Variants in CYTH1 observed in about 807,000 individuals in gnomAD.
CYTH1 encodes cytohesin 1.
A neutral mutation model predicts 61.8 loss-of-function variants in CYTH1; 18 were observed. That is an observed-to-expected ratio of 0.29 (90% CI 0.20 to 0.43). The LOEUF is 0.43. CYTH1 is among the 20% of genes least tolerant of loss of function. The probability of loss-of-function intolerance (pLI) is 1.00; values close to 1 mark genes in which losing one functional copy is unlikely to be tolerated. For synonymous variants in CYTH1, 174 were observed against 184.3 expected (o/e 0.94, Z 0.45); for missense variants, 336 against 510.5 (o/e 0.66, Z 3.29).
intron 11 of CYTH1, among the ~76,000 whole-genome samples, chr17:78,681,583 T>C (rs1241175633): frequency 2.0e-5 from 3 of 152,054 alleles, no homozygotes; most frequent in African/African-American, 7.2e-5. Context: ...TTGACTCCTG[T>C]CCAGAACAGA....
At position 78,708,272 on chromosome 17, in the gene CYTH1, G is replaced by C. The variant is rs749641832; in HGVS notation, c.106-11C>G. 2 of 1,610,106 alleles carry C rather than the reference G, an allele frequency of 1.2e-6. No individual in the cohort carries two copies. The highest frequency in any genetic ancestry group is 1.7e-6 in the Non-Finnish European group (2 of 1,178,752). ...CTCATCCTTCAGCCTCTATAAAACA[G>C]ACAGTCCAGAGTCAGCAGGAAAGGC... On this transcript the variant is annotated splice_polypyrimidine_tract_variant and intron_variant, in intron 2 of 13. Coordinates refer to ENST00000446868, the MANE Select transcript of CYTH1 (RefSeq NM_004762.6).
chr17:78,705,886 C>T (rs2093060284), intron 3 of CYTH1, among the ~76,000 whole-genome samples: 1 of 152,108 alleles, frequency 6.6e-6, no homozygotes, highest in South Asian at 2.1e-4. Flanking sequence ...CGTTTCCTTG[C>T]TGTTCTATGG....
chr17:78,773,577 C>T (rs1050487326), intron 1 of CYTH1, among the ~76,000 whole-genome samples: 4 of 149,764 alleles, frequency 2.7e-5, no homozygotes, highest in Non-Finnish European at 4.4e-5. Context: ...TGCAGTGAGC[C>T]GAGATTGTGC....
intron 1 of CYTH1, 43 bp from the exon 2 acceptor site, chr17:78,709,775 G>C: frequency 6.3e-7 from 1 of 1,587,380 alleles, no homozygotes; most frequent in Non-Finnish European, 8.6e-7. Flanking sequence ...CTTTTATCTC[G>C]CCAAAAATCA....
At chr17:78,752,814 T>C (rs2093385621) in intron 1 of CYTH1, among the ~76,000 whole-genome samples, 1 of 152,222 alleles carries the variant, frequency 6.6e-6, no homozygotes, top group African/African-American at 2.4e-5. Flanking sequence ...TATCACAATG[T>C]GATTATACAG....
chr17:78,777,757 C>T lies in CYTH1; in HGVS notation c.22+4445G>A, dbSNP rs192008095. Among the ~76,000 whole-genome samples, 31 of 150,442 alleles carry T rather than the reference C, an allele frequency of 2.1e-4. No individual in the cohort carries two copies. The South Asian group carries it at 3.8e-3, about 18-fold the overall frequency. On this transcript the variant is annotated intron_variant, in intron 1 of 13. Transcript: ENST00000446868. ...ATCCCAGCACTTTGGGAGGCTGAGG[C>T]GGGCAGATCACGAGGTCAGGAGATC...
chr17:78,744,906 T>C, intron 1 of CYTH1, among the ~76,000 whole-genome samples: 1 of 150,978 alleles, frequency 6.6e-6, no homozygotes, highest in East Asian at 1.9e-4. Context: ...ACAATTTGCA[T>C]TTACTTCAAT....
chr17:78,733,324 G>A (rs1469873743), intron 1 of CYTH1, among the ~76,000 whole-genome samples: 1 of 152,016 alleles, frequency 6.6e-6, no homozygotes. Context: ...CATATTTCCT[G>A]ACAATGAACT....
intron 1 of CYTH1, among the ~76,000 whole-genome samples, chr17:78,741,548 G>A (rs2144638991): frequency 6.6e-6 from 1 of 152,274 alleles, no homozygotes; most frequent in Non-Finnish European, 1.5e-5. Context: ...AAAAGTGAGG[G>A]CAGAGTTTAG....
intron 1 of CYTH1, among the ~76,000 whole-genome samples, chr17:78,760,261 A>G (rs951515284): frequency 2.0e-5 from 3 of 150,312 alleles, no homozygotes; most frequent in Non-Finnish European, 3.0e-5. Flanking sequence ...GAATTTTACA[A>G]ATTTAGACAT....
chr17:78,724,046 A>C (rs940538449), intron 1 of CYTH1: 1 of 152,184 alleles, frequency 6.6e-6, no homozygotes, highest in Non-Finnish European at 1.5e-5. Context: ...GCAGCCACCA[A>C]TGGTTATTTC....
intron 1 of CYTH1, among the ~76,000 whole-genome samples, chr17:78,765,077 T>C (rs1332796706): frequency 6.6e-6 from 1 of 152,106 alleles, no homozygotes; most frequent in East Asian, 1.9e-4. Flanking sequence ...GCACAGTGAA[T>C]AGCTGGAGAA....
chr17:78,761,892 T>C (rs2093430447), intron 1 of CYTH1, among the ~76,000 whole-genome samples: 4 of 152,202 alleles, frequency 2.6e-5, no homozygotes, highest in Admixed American at 2.6e-4. Context: ...AGCTAGACAT[T>C]TGGTTTTGTA....
chr17:78,697,912 G>C (rs930640123), intron 9 of CYTH1, among the ~76,000 whole-genome samples: 5 of 152,184 alleles, frequency 3.3e-5, no homozygotes, highest in African/African-American at 1.2e-4. Flanking sequence ...TAAAAATGTG[G>C]AGCACAGACA....
chr17:78,729,658 A>C (rs1052425281), intron 1 of CYTH1, among the ~76,000 whole-genome samples: 4 of 152,232 alleles, frequency 2.6e-5, no homozygotes, highest in Admixed American at 1.3e-4. Context: ...AAGAGTGGAT[A>C]TGCTCCCCAA....
chr17:78,761,481 G>T (rs2093428430), intron 1 of CYTH1, among the ~76,000 whole-genome samples: 1 of 152,330 alleles, frequency 6.6e-6, no homozygotes, highest in East Asian at 1.9e-4. Context: ...GCTCACGCCT[G>T]TAATCCCAAC....
At chr17:78,751,988 G>A (rs1355905641) in intron 1 of CYTH1, among the ~76,000 whole-genome samples, 3 of 151,988 alleles carry the variant, frequency 2.0e-5, no homozygotes, top group South Asian at 2.1e-4. Context: ...TGCCTGCCAC[G>A]GCCTCCCAAA....
chr17:78,717,665 C>T lies in CYTH1; in HGVS notation c.23-7933G>A, dbSNP rs1398413635. ...GGCTCTAGTCTAAAATCCTGCAACC[C>T]GCGCTCCACCGGCCACAGGCAGATG... On this transcript the variant is annotated intron_variant, in intron 1 of 13. Coordinates refer to ENST00000446868, the MANE Select transcript of CYTH1 (RefSeq NM_004762.6). The surrounding 1 kb of genome is among the most constrained non-coding windows in gnomAD (Gnocchi z 4.4). Among the ~76,000 whole-genome samples, 1 of 152,062 alleles carries T rather than the reference C, an allele frequency of 6.6e-6. No individual in the cohort carries two copies. Among genetic ancestry groups the T allele is most frequent in the East Asian group, 1.9e-4 (1 of 5,182 alleles).
At chr17:78,771,255 C>T (rs1040740602) in intron 1 of CYTH1, among the ~76,000 whole-genome samples, 1 of 152,046 alleles carries the variant, frequency 6.6e-6, no homozygotes, top group African/African-American at 2.4e-5. Flanking sequence ...GAGCAAGACC[C>T]TGTCTGAAAA....
Sources: gnomAD v4.1 joint callset for allele counts (sites outside exome capture counted in the v4.1 genomes callset) on GRCh38, gnomAD v4.1.1 for gene constraint, Gnocchi (gnomAD v3.1) non-coding constraint, MANE v1.5 for transcripts, NCBI Gene and HGNC (gene_info 2026-07-23, HGNC 2026-07-21) for gene names.